The following NPAS1 variants were observed in gnomAD, a reference collection of about 807,000 sequenced individuals.
The protein encoded by NPAS1 is neuronal PAS domain protein 1.
In NPAS1, 29 loss-of-function variants were observed where a neutral mutation model predicts 49.2. That is an observed-to-expected ratio of 0.59 (90% CI 0.44 to 0.80). The LOEUF (loss-of-function observed/expected upper bound fraction) is 0.80, where lower values mean the gene tolerates loss of function less well. Ranked by LOEUF, NPAS1 falls within the 30% of genes least tolerant of loss-of-function variation. The probability of loss-of-function intolerance (pLI) is 0.00; values close to 1 mark genes in which losing one functional copy is unlikely to be tolerated. For missense variants in NPAS1, 825 were observed against 835.5 expected (o/e 0.99, Z 0.15); for synonymous variants, 408 against 380.4 (o/e 1.07, Z -0.84).
intron 10 of NPAS1, among the ~76,000 whole-genome samples, chr19:47,041,693 G>A (rs141432424): frequency 1.1e-3 from 165 of 152,294 alleles, no homozygotes; most frequent in East Asian, 8.5e-3. Flanking sequence ...GACTGCTCTA[G>A]ACCGGACATG....
chr19:47,035,764 G>T, intron 5 of NPAS1, 200 bp from the exon 6 acceptor site: 1 of 561,480 alleles, frequency 1.8e-6, no homozygotes. Flanking sequence ...CTAATCACTG[G>T]GTATGAAGCG....
Position 47,032,287 on chromosome 19 carries a change from G to C in NPAS1, c.368G>C (p.Arg123Pro). Residue 123 changes from arginine (R) to proline (P), a missense_variant, in exon 4 of 12, where the codon CGC becomes CCC. By Grantham distance (103) the Arg-to-Pro change is moderately radical (BLOSUM62 -2). Coordinates refer to ENST00000602212, the MANE Select transcript of NPAS1 (RefSeq NM_002517.4). ...AGPPAGLAPGRRGPAALVSEV... is the reference protein window; with the variant it reads ...AGPPAGLAPGPRGPAALVSEV... ...CTTCCATCTGCCCCAGCCCCAGGCC[G>C]CCGCGGCCCCGCAGCGCTGGTCTCC... The C allele has an allele frequency of 6.2e-7, 1 of 1,613,880 alleles. No homozygotes were observed. Among genetic ancestry groups the C allele is most frequent in the Middle Eastern group, 1.6e-4 (1 of 6,062 alleles).
At chr19:47,026,163 T>A (rs543954602) in intron 3 of NPAS1, among the ~76,000 whole-genome samples, 5 of 152,184 alleles carry the variant, frequency 3.3e-5, no homozygotes, top group Middle Eastern at 6.8e-3. Flanking sequence ...GGTCTTGAAC[T>A]CCTGACCTCA....
At chr19:47,022,259 G>A (rs976683821) in intron 3 of NPAS1, among the ~76,000 whole-genome samples, 2 of 152,190 alleles carry the variant, frequency 1.3e-5, no homozygotes, top group Non-Finnish European at 2.9e-5. Flanking sequence ...GGGCCCCGGC[G>A]GGAACGCAAG....
intron 3 of NPAS1, among the ~76,000 whole-genome samples, chr19:47,023,538 C>A (rs1486064943): frequency 1.3e-5 from 2 of 152,164 alleles, no homozygotes; most frequent in African/African-American, 2.4e-5. Context: ...GGGTCCCTAA[C>A]AAGAGGCGAA....
chr19:47,024,155 C>T (rs1335573528), intron 3 of NPAS1, among the ~76,000 whole-genome samples: 1 of 151,896 alleles, frequency 6.6e-6, no homozygotes, highest in African/African-American at 2.4e-5. Context: ...GGTTTGGTGG[C>T]ACCCGCCTGT....
At position 47,021,898 on chromosome 19, in the gene NPAS1, A is replaced by C. The variant is rs557281815; in HGVS notation, c.358+51A>C. The stretch of plus-strand genomic sequence containing the variant: ...GTCCCGGGGCCCTCCAGGCGGAGTC[A>C]CTGCAGCCCAGATCCGGGCTGCGGG... On this transcript the variant is annotated intron_variant, in intron 3 of 11. Transcript: ENST00000602212. This position sits in a 1 kb window ranked among gnomAD's most constrained non-coding sequence, Gnocchi z 5.7. 120 of 1,226,286 alleles carry C rather than the reference A, an allele frequency of 9.8e-5. No homozygotes were observed. Among genetic ancestry groups the C allele is most frequent in the Non-Finnish European group, 1.2e-4 (113 of 932,650 alleles). The allele number at this position is 1,226,286 out of a possible 1,614,324, so 76.0% of individuals were successfully genotyped here. A position where few individuals can be genotyped will look rare whatever the true frequency, so the allele number is the denominator to read the frequency against.
chr19:47,039,699 G>A, intron 8 of NPAS1, 135 bp downstream of exon 8: 1 of 996,362 alleles, frequency 1.0e-6, no homozygotes, highest in East Asian at 2.7e-5. Context: ...AGCAATGGAT[G>A]GGACAGGGTG....
intron 3 of NPAS1, among the ~76,000 whole-genome samples, chr19:47,025,967 T>C (rs1244670600): frequency 6.6e-6 from 1 of 150,940 alleles, no homozygotes; most frequent in Admixed American, 6.6e-5. Context: ...TGAGACAGAG[T>C]CTTGCTCTGT....
chr19:47,028,780 C>G (rs2056889036), intron 3 of NPAS1, among the ~76,000 whole-genome samples: 1 of 152,108 alleles, frequency 6.6e-6, no homozygotes, highest in African/African-American at 2.4e-5. Flanking sequence ...GTCACCAAGT[C>G]TCTCCCCTGG....
At chr19:47,026,924 G>C (rs994814640) in intron 3 of NPAS1, among the ~76,000 whole-genome samples, 1 of 151,502 alleles carries the variant, frequency 6.6e-6, no homozygotes, top group African/African-American at 2.4e-5. Context: ...CTGCACTCTA[G>C]CCTGGGTGTC....
intron 8 of NPAS1, among the ~76,000 whole-genome samples, chr19:47,039,786 CTG>C (rs750530339): frequency 8.5e-5 from 13 of 152,276 alleles, no homozygotes; most frequent in Non-Finnish European, 1.3e-4. Context: ...GGAAGAGGGG[CTG>C]TGTCTTGGGT....
At chr19:47,032,441 TGTGGGGGGTACCTGGAC>T in intron 4 of NPAS1, 90 bp downstream of exon 4, 3 of 1,394,590 alleles carry the variant, frequency 2.2e-6, no homozygotes, top group Non-Finnish European at 3.0e-6. Flanking sequence ...ATCCATCTAT[TGTGGGGGGTACCTGGAC>T]TGGGAAGGCG....
chr19:47,023,453 G>A (rs1038298925), intron 3 of NPAS1, among the ~76,000 whole-genome samples: 1 of 152,120 alleles, frequency 6.6e-6, no homozygotes, highest in African/African-American at 2.4e-5. Flanking sequence ...ACAGTGTGGG[G>A]GGGCTTGGTA....
chr19:47,023,066 A>AG (rs961076734), intron 3 of NPAS1, among the ~76,000 whole-genome samples: 2 of 152,178 alleles, frequency 1.3e-5, no homozygotes, highest in East Asian at 1.9e-4. Context: ...CCAGGGGAAG[A>AG]GGGGGGAGAG....
intron 5 of NPAS1, among the ~76,000 whole-genome samples, chr19:47,033,037 T>C (rs576979006): frequency 1.3e-5 from 2 of 152,266 alleles, no homozygotes; most frequent in South Asian, 4.1e-4. Context: ...CCTCCCGGGT[T>C]CAAACAATTC....
chr19:47,045,135 A>G (rs2057062116), intron 11 of NPAS1, 56 bp from the exon 12 acceptor site: 1 of 1,550,328 alleles, frequency 6.5e-7, no homozygotes. Context: ...CATTCCACAG[A>G]TGGGAAGACT....
At chr19:47,036,295 G>C (rs1327948786) in intron 6 of NPAS1, among the ~76,000 whole-genome samples, 166 bp downstream of exon 6, 1 of 152,236 alleles carries the variant, frequency 6.6e-6, no homozygotes, top group African/African-American at 2.4e-5. Flanking sequence ...GGTGAGACTT[G>C]GTTCCTTAAG....
chr19:47,032,638 T>C lies in NPAS1; in HGVS notation c.433-5T>C. 6.2e-7 allele frequency: 1 copy of C among 1,613,646 alleles called. No individual in the cohort carries two copies. The highest frequency in any genetic ancestry group is 2.2e-5 in the East Asian group (1 of 44,874). On this transcript the variant is annotated splice_polypyrimidine_tract_variant and splice_region_variant and intron_variant, in intron 4 of 11. Coordinates refer to ENST00000602212, the MANE Select transcript of NPAS1 (RefSeq NM_002517.4). ...CTTCCCCCTCCCTGTCTCTCCCGGC[T>C]CTAGTCCCTGGATGGCTTTGTGTTC...
Sources: gnomAD v4.1 joint callset for allele counts (sites outside exome capture counted in the v4.1 genomes callset) on GRCh38, gnomAD v4.1.1 for gene constraint, Gnocchi (gnomAD v3.1) non-coding constraint, MANE v1.5 for transcripts, NCBI Gene and HGNC (gene_info 2026-07-23, HGNC 2026-07-21) for gene names.